UPF1: variants seen among roughly 807,000 people sequenced by gnomAD.
UPF1 encodes UPF1 RNA helicase and ATPase.
In UPF1, 9 loss-of-function variants were observed where a neutral mutation model predicts 129.2. The observed-to-expected ratio is 0.07, with a 90% CI of 0.04 to 0.12. The LOEUF (loss-of-function observed/expected upper bound fraction) is 0.12, where lower values mean the gene tolerates loss of function less well. Ranked by LOEUF, UPF1 falls within the 10% of genes least tolerant of loss-of-function variation. The pLI, the probability that UPF1 is intolerant of heterozygous loss-of-function variation, is 1.00. For missense variants in UPF1, 788 were observed against 1,525.3 expected (o/e 0.52, Z 8.05); for synonymous variants, 649 against 644.9 (o/e 1.01, Z -0.10).
chr19:18,835,063 G>A (rs1333056364), intron 1 of UPF1, among the ~76,000 whole-genome samples: 1 of 151,954 alleles, frequency 6.6e-6, no homozygotes, highest in Non-Finnish European at 1.5e-5. Flanking sequence ...GAACATTTTT[G>A]TCACCCCAGA....
chr19:18,833,033 G>A (rs2055445759), intron 1 of UPF1: 1 of 152,328 alleles, frequency 6.6e-6, no homozygotes, highest in Admixed American at 6.5e-5. Flanking sequence ...AGGGTGACCT[G>A]CCCTAATCCT....
chr19:18,840,864 G>A (rs542657566), intron 1 of UPF1, among the ~76,000 whole-genome samples: 40 of 152,352 alleles, frequency 2.6e-4, no homozygotes, highest in East Asian at 1.5e-3. Flanking sequence ...TAACCCAGCC[G>A]GGCTTCTCAG....
At chr19:18,855,438 A>G in intron 11 of UPF1, 196 bp downstream of exon 11, 1 of 663,460 alleles carries the variant, frequency 1.5e-6, no homozygotes. Flanking sequence ...TTTAGTAACC[A>G]GGTCTGCTAC....
At chr19:18,847,370 G>A (rs929369577) in intron 2 of UPF1, among the ~76,000 whole-genome samples, 22 of 152,216 alleles carry the variant, frequency 1.4e-4, no homozygotes, top group African/African-American at 5.3e-4. Context: ...AGCTCCCTGG[G>A]AGCACAGTGC....
In UPF1 at chr19:18,856,290, A is replaced by C; in HGVS notation, c.1814A>C (p.Glu605Ala). ...YRALKRTAER[E>A]LLMNADVICC... is the part of the protein sequence containing the mutation. ...GCCTTGAAGCGCACCGCAGAGAGAG[A>C]GCTGCTGATGGTGAGTGCCCCTCCT... Residue 605 changes from glutamate (E) to alanine (A), a missense_variant, in exon 13 of 24, where the codon GAG becomes GCG. Physicochemically the swap from Glu to Ala is moderately radical, Grantham distance 107. Around this residue, in one of 6 missense-constraint regions of UPF1, gnomAD observed 91 missense variants for 157.2 expected, o/e 0.58. Transcript: ENST00000262803. 1 of 1,593,958 alleles carries C rather than the reference A, an allele frequency of 6.3e-7. No individual in the cohort carries two copies.
intron 2 of UPF1, among the ~76,000 whole-genome samples, chr19:18,847,138 C>T (rs1482008234): frequency 6.6e-6 from 1 of 152,280 alleles, no homozygotes; most frequent in African/African-American, 2.4e-5. Flanking sequence ...CAGCTCTTCA[C>T]TCATTCTCAT....
In UPF1 at chr19:18,853,479, G is replaced by T. The variant is rs1480942573; in HGVS notation, c.1156+129G>T. The T allele has an allele frequency of 3.5e-6, 3 of 869,000 alleles. No homozygotes were observed. In the African/African-American group the frequency reaches 5.1e-5, roughly 15 times the overall value. The allele number at this position is 869,000 out of a possible 1,614,324, so 53.8% of individuals were successfully genotyped here. A position where few individuals can be genotyped will look rare whatever the true frequency, so the allele number is the denominator to read the frequency against. ...TCATGCTCTGTGGTGGGTGCTGGTT[G>T]GCATCGCCCTCCACTGCTCTTAGGA... On this transcript the variant is annotated intron_variant, in intron 8 of 23. Transcript: ENST00000262803. The surrounding 1 kb of genome is among the most constrained non-coding windows in gnomAD (Gnocchi z 4.4).
In UPF1 at chr19:18,837,800, C is replaced by T. The variant is rs941585253; in HGVS notation, c.231+5360C>T. 2.0e-5 allele frequency among the ~76,000 whole-genome samples: 3 copies of T among 152,314 alleles called. No homozygotes were observed. In the South Asian group the frequency reaches 6.2e-4, roughly 32 times the overall value. On this transcript the variant is annotated intron_variant, in intron 1 of 23. Coordinates refer to ENST00000262803, the MANE Select transcript of UPF1 (RefSeq NM_002911.4). Reference sequence around the variant, plus strand: ...CACTCCTGGTAGCCTGTGGGAGTCACAGCTGAATAGTCATCTCGTACTGGG... The same window carrying T: ...CACTCCTGGTAGCCTGTGGGAGTCATAGCTGAATAGTCATCTCGTACTGGG...
Position 18,854,701 on chromosome 19 carries a change from C to T in UPF1, c.1257C>T (p.Ser419=). The part of the protein sequence containing the change: ...FQVDFVWKST[S]FDRMQSALKT... ...TGGATTTTGTGTGGAAGTCGACCTC[C>T]TTTGACAGGTACGTCTTCTCCCATC... The change falls in exon 9 of 24, where the codon TCC becomes TCT. Residue 419 remains serine, a synonymous_variant. Coordinates refer to ENST00000262803, the MANE Select transcript of UPF1 (RefSeq NM_002911.4). The T allele has an allele frequency of 1.9e-6, 3 of 1,613,752 alleles. No homozygotes were observed. The highest frequency in any genetic ancestry group is 2.5e-6 in the Non-Finnish European group (3 of 1,179,946).
rs1200877239 is a variant in UPF1 at position 18,846,134 on chromosome 19, G to T, written c.371+15G>T. Reference sequence around the variant, plus strand: ...CACGCCTGCAGGTGAGCTGAGCTCAGCTGGGCCTGGGCATGTGCTGGACAG... The same window carrying T: ...CACGCCTGCAGGTGAGCTGAGCTCATCTGGGCCTGGGCATGTGCTGGACAG... On this transcript the variant is annotated intron_variant, in intron 2 of 23. Transcript: ENST00000262803. The T allele has an allele frequency of 6.2e-7, 1 of 1,613,650 alleles. No homozygotes were observed. The highest frequency in any genetic ancestry group is 8.5e-7 in the Non-Finnish European group (1 of 1,179,852).
intron 1 of UPF1, among the ~76,000 whole-genome samples, chr19:18,835,438 T>C (rs780585187): frequency 3.3e-5 from 5 of 151,784 alleles, no homozygotes; most frequent in Non-Finnish European, 5.9e-5. Context: ...GCCTCCCAGG[T>C]TCAAGCGATT....
chr19:18,843,717 T>TTGTGTGTGTG (rs72080135), intron 1 of UPF1, among the ~76,000 whole-genome samples: 44 of 144,076 alleles, frequency 3.1e-4, no homozygotes, highest in African/African-American at 1.1e-3. Flanking sequence ...TTGGCCAGGC[T>TTGTGTGTGTG]TGTGTGTGTG....
chr19:18,853,257 C>A lies in UPF1; in HGVS notation c.1063C>A (p.Arg355=), dbSNP rs141051363. The stretch of plus-strand genomic sequence containing the variant: ...TCTCACTTTTTTACCTCAAGACATG[C>A]GGCTCATGCAGGGGGATGAGATATG... ...FTLPKTDSDM[R]LMQGDEICLR... is the part of the protein sequence containing the mutation. Residue 355 remains arginine, a synonymous_variant, in exon 8 of 24, where the codon CGG becomes AGG. Coordinates refer to ENST00000262803, the MANE Select transcript of UPF1 (RefSeq NM_002911.4). The surrounding 1 kb of genome is among the most constrained non-coding windows in gnomAD (Gnocchi z 4.4). 1,049 of 1,610,670 alleles carry A rather than the reference C, an allele frequency of 6.5e-4. 3 individuals are homozygous for A. The Middle Eastern group carries it at 0.01, about 15-fold the overall frequency.
intron 20 of UPF1, among the ~76,000 whole-genome samples, chr19:18,864,706 G>A (rs1221914323): frequency 6.9e-6 from 1 of 145,724 alleles, no homozygotes; most frequent in Non-Finnish European, 1.5e-5. Context: ...ACAGGCGTGA[G>A]TCACTGCACC....
rs1228523280 is a variant in UPF1, at chr19:18,857,442, C to G, written c.2091C>G (p.Arg697=). The stretch of plus-strand genomic sequence containing the variant: ...TGGTGCTGGGCATCCGGCCCATCCG[C>G]CTGCAGGTCCAGTACCGGATGCACC... The part of the protein sequence containing the change: ...RLVVLGIRPI[R]LQVQYRMHPA... Residue 697 remains arginine, a synonymous_variant, in exon 15 of 24, where the codon CGC becomes CGG. Coordinates refer to ENST00000262803, the MANE Select transcript of UPF1 (RefSeq NM_002911.4). 5 of 1,613,784 alleles carry G rather than the reference C, an allele frequency of 3.1e-6. No homozygotes were observed. Among genetic ancestry groups the G allele is most frequent in the Non-Finnish European group, 4.2e-6 (5 of 1,180,010 alleles).
At position 18,866,286 on chromosome 19, in the gene UPF1, G is replaced by A. The variant is rs1042758384; in HGVS notation, c.*3+120G>A. ...TCTGGAAATGTGTGCTGTGCCTGGT[G>A]GGGGTCATAGGCCCTCAGGGCCAGC... On this transcript the variant is annotated intron_variant, in intron 23 of 23. Coordinates refer to ENST00000262803, the MANE Select transcript of UPF1 (RefSeq NM_002911.4). 2.8e-5 allele frequency: 39 copies of A among 1,386,300 alleles called. No individual in the cohort carries two copies. In the South Asian group the frequency reaches 5.7e-4, roughly 20 times the overall value. The allele number at this position is 1,386,300 out of a possible 1,614,324, so 85.9% of individuals were successfully genotyped here.
chr19:18,848,290 G>C lies in UPF1; in HGVS notation c.461+457G>C, dbSNP rs569631187. On this transcript the variant is annotated intron_variant, in intron 3 of 23. Coordinates refer to ENST00000262803, the MANE Select transcript of UPF1 (RefSeq NM_002911.4). ...CAATTAAGTTCACTTGACCGTCGGC[G>C]CTGGGCTTGCCTTCCTGATGTTGAT... The C allele has an allele frequency of 6.6e-5, 11 of 167,408 alleles. No individual in the cohort carries two copies. The South Asian group carries it at 7.8e-4, about 12-fold the overall frequency. The allele number at this position is 167,408 out of a possible 1,614,324, so 10.4% of individuals were successfully genotyped here.
chr19:18,845,104 C>G (rs181847783), intron 1 of UPF1, among the ~76,000 whole-genome samples: 2 of 152,368 alleles, frequency 1.3e-5, no homozygotes, highest in East Asian at 3.9e-4. Context: ...GAGGGGCTGT[C>G]TGGGGTGCTG....
At chr19:18,855,329 C>A in intron 11 of UPF1, 87 bp downstream of exon 11, 1 of 1,450,536 alleles carries the variant, frequency 6.9e-7, no homozygotes, top group South Asian at 1.2e-5. Flanking sequence ...GCCTTGGGCT[C>A]TGTCACACCG....
Sources: gnomAD v4.1 joint callset for allele counts (sites outside exome capture counted in the v4.1 genomes callset) on GRCh38, gnomAD v4.1.1 for gene constraint, gnomAD v4.1.1 regional missense constraint, Gnocchi (gnomAD v3.1) non-coding constraint, MANE v1.5 for transcripts, NCBI Gene and HGNC (gene_info 2026-07-23, HGNC 2026-07-21) for gene names.